The following ZFHX3 variants were observed in gnomAD, a reference collection of about 807,000 sequenced individuals.
ZFHX3 encodes zinc finger homeobox 3.
Under a neutral mutation model 279.1 loss-of-function variants are expected in ZFHX3, and 42 were observed. The observed-to-expected ratio is 0.15, with a 90% CI of 0.12 to 0.19. ZFHX3 has a LOEUF of 0.19. Among genes scored for constraint, ZFHX3 ranks in the 10% least tolerant of loss-of-function variants. The pLI is 1.00. For missense variants in ZFHX3, 4,981 were observed against 4,754.0 expected (o/e 1.05, Z -1.40); for synonymous variants, 2,293 against 1,957.8 (o/e 1.17, Z -4.52).
chr16:73,486,700 C>G (rs901735452), intron 2 of ZFHX3: 9 of 433,916 alleles, frequency 2.1e-5, no homozygotes, highest in African/African-American at 1.0e-4. Context: ...CCAGGACTTT[C>G]CTGGTTTCCT....
intron 8 of ZFHX3, among the ~76,000 whole-genome samples, chr16:73,086,414 T>G (rs1460827255): frequency 6.6e-6 from 1 of 152,224 alleles, no homozygotes; most frequent in Non-Finnish European, 1.5e-5. Context: ...CACTTCCATG[T>G]TTATTGTGGC....
Position 73,435,002 on chromosome 16 carries a change from T to C in ZFHX3, c.-1291+21001A>G, listed in dbSNP as rs143409902. ...CTGGCAGGAAGTAAATAGGACTCAATACATGTTATCAGTGATATTATGATG... is the reference window on the plus strand; with the variant it reads ...CTGGCAGGAAGTAAATAGGACTCAACACATGTTATCAGTGATATTATGATG... On this transcript the variant is annotated intron_variant, in intron 3 of 17. Transcript: ENST00000641206. 1.6e-3 allele frequency among the ~76,000 whole-genome samples: 249 copies of C among 152,274 alleles called. 2 individuals carry two copies. The highest frequency in any genetic ancestry group is 5.6e-3 in the African/African-American group (233 of 41,568).
chr16:73,286,353 C>A (rs1597262728), intron 4 of ZFHX3, among the ~76,000 whole-genome samples: 1 of 152,190 alleles, frequency 6.6e-6, no homozygotes, highest in Non-Finnish European at 1.5e-5. Context: ...AATTCAGAAC[C>A]CTATAGATTG....
intron 9 of ZFHX3, 194 bp from the exon 10 acceptor site, chr16:72,789,042 A>G: frequency 1.7e-6 from 1 of 605,652 alleles, no homozygotes; most frequent in Middle Eastern, 4.5e-4. Flanking sequence ...ATGAGGACTC[A>G]GTCCTAGGTC....
intron 3 of ZFHX3, among the ~76,000 whole-genome samples, chr16:73,452,820 C>G (rs1410327756): frequency 2.0e-5 from 3 of 152,204 alleles, no homozygotes; most frequent in Non-Finnish European, 2.9e-5. Flanking sequence ...GAAGTTATTA[C>G]AAAGTGCTGC....
chr16:73,749,862 G>C (rs893399671), intron 1 of ZFHX3, among the ~76,000 whole-genome samples: 1 of 152,204 alleles, frequency 6.6e-6, no homozygotes, highest in Non-Finnish European at 1.5e-5. Context: ...TGTACCCTAC[G>C]TGAAAGAAGA....
At chr16:73,135,851 T>C (rs1966779197) in intron 6 of ZFHX3, among the ~76,000 whole-genome samples, 1 of 150,110 alleles carries the variant, frequency 6.7e-6, no homozygotes, top group Non-Finnish European at 1.5e-5. Context: ...TCACTTCACT[T>C]ATTTATATTC....
chr16:73,481,162 CTA>C (rs1390115380), intron 2 of ZFHX3, among the ~76,000 whole-genome samples: 1 of 152,040 alleles, frequency 6.6e-6, no homozygotes, highest in African/African-American at 2.4e-5. Context: ...AACCCTGACT[CTA>C]TTAAAAATAC....
At chr16:73,186,736 TA>T (rs201136219) in intron 5 of ZFHX3, among the ~76,000 whole-genome samples, 12 of 151,818 alleles carry the variant, frequency 7.9e-5, no homozygotes, top group African/African-American at 2.7e-4. Context: ...TTACACAAGT[TA>T]AAAAAAATAG....
rs1403055925 is a variant in ZFHX3 at position 72,788,069 on chromosome 16, C to T, written c.10207G>A (p.Val3403Ile). 6.2e-7 allele frequency: 1 copy of T among 1,611,846 alleles called. No homozygotes were observed. The highest frequency in any genetic ancestry group is 2.2e-5 in the East Asian group (1 of 44,852). Residue 3403 changes from valine (V) to isoleucine (I), a missense_variant, in exon 10 of 10, where the codon GTC (valine) becomes ATC (isoleucine). Transcript: ENST00000268489. ...TCTGGGGAAGGAGCCCCGGGGGGGA[C>T]TGGGGTTTGGCTTGCTTTGGGCTGC... ...QQQPKASQTP[V>I]PPGAPSPDKD...
chr16:73,876,249 T>C (rs1422541120), intron 1 of ZFHX3, among the ~76,000 whole-genome samples: 2 of 152,164 alleles, frequency 1.3e-5, no homozygotes, highest in East Asian at 3.8e-4. Flanking sequence ...TCTGAATTTG[T>C]AGACAGTCAT....
intron 1 of ZFHX3, among the ~76,000 whole-genome samples, chr16:73,798,374 G>T (rs572149716): frequency 3.3e-5 from 5 of 152,010 alleles, no homozygotes; most frequent in East Asian, 3.9e-4. Context: ...TTAACAAGGT[G>T]GGGGGTAGCT....
intron 3 of ZFHX3, among the ~76,000 whole-genome samples, chr16:72,921,776 G>T (rs962382716): frequency 3.3e-5 from 5 of 152,254 alleles, no homozygotes; most frequent in Non-Finnish European, 7.3e-5. Flanking sequence ...TCAGGCCCCA[G>T]GAAGCTGGCG....
intron 3 of ZFHX3, among the ~76,000 whole-genome samples, chr16:73,350,899 G>A (rs533768553): frequency 1.3e-5 from 2 of 152,292 alleles, no homozygotes; most frequent in African/African-American, 4.8e-5. Flanking sequence ...TCTGCTTCCT[G>A]GAAAGTGTAT....
chr16:73,086,712 G>C (rs1597151699), intron 8 of ZFHX3, among the ~76,000 whole-genome samples: 1 of 152,020 alleles, frequency 6.6e-6, no homozygotes, highest in Admixed American at 6.6e-5. Context: ...AGACCAGCCT[G>C]GGCAACATGA....
chr16:73,139,940 G>A (rs753881126), intron 6 of ZFHX3, among the ~76,000 whole-genome samples: 24 of 152,154 alleles, frequency 1.6e-4, no homozygotes, highest in Admixed American at 5.9e-4. Context: ...TCAGCTCAGT[G>A]CTTCTTCCAC....
At position 73,429,494 on chromosome 16, in the gene ZFHX3, G is replaced by A. The variant is rs185337955; in HGVS notation, c.-1291+26509C>T. On this transcript the variant is annotated intron_variant, in intron 3 of 17. Transcript: ENST00000641206. ...ATTACAGATGCCCGCCACCATGCCC[G>A]GCTGATTTTTGGATTTTTAGTAGAG... 5.5e-3 allele frequency among the ~76,000 whole-genome samples: 829 copies of A among 151,834 alleles called. 1 individual carries two copies. Among genetic ancestry groups the A allele is most frequent in the Non-Finnish European group, 7.0e-3 (473 of 67,940 alleles).
intron 1 of ZFHX3, among the ~76,000 whole-genome samples, chr16:72,995,235 T>C (rs142147812): frequency 3.3e-5 from 5 of 152,276 alleles, no homozygotes; most frequent in African/African-American, 1.2e-4. Context: ...CGAGTCCTAA[T>C]GGCATGTCAA....
chr16:73,632,945 G>T (rs2052491033), intron 2 of ZFHX3, among the ~76,000 whole-genome samples: 1 of 152,104 alleles, frequency 6.6e-6, no homozygotes, highest in Admixed American at 6.5e-5. Context: ...CGGGTGTGGT[G>T]GCGGGAGCCT....
Sources: gnomAD v4.1 joint callset for allele counts (sites outside exome capture counted in the v4.1 genomes callset) on GRCh38, gnomAD v4.1.1 for gene constraint, MANE v1.5 for transcripts, NCBI Gene and HGNC (gene_info 2026-07-23, HGNC 2026-07-21) for gene names.